The following RARB variants were observed in gnomAD, a reference collection of about 807,000 sequenced individuals.
RARB encodes HBV-activated protein.
A neutral mutation model predicts 51.9 loss-of-function variants in RARB; 17 were observed. The observed-to-expected ratio is 0.33, with a 90% CI of 0.22 to 0.49. The LOEUF (loss-of-function observed/expected upper bound fraction) is 0.49, where lower values mean the gene tolerates loss of function less well. Ranked by LOEUF, RARB falls within the 20% of genes least tolerant of loss-of-function variation. RARB has a pLI of 0.99. For synonymous variants in RARB, 215 were observed against 195.4 expected, an observed-to-expected ratio of 1.10 and a Z score of -0.84; for missense variants, 369 against 550.8, an observed-to-expected ratio of 0.67 and a Z score of 3.30.
intron 3 of RARB, among the ~76,000 whole-genome samples, chr3:25,123,891 A>G (rs939722276): frequency 2.0e-5 from 3 of 152,154 alleles, no homozygotes; most frequent in African/African-American, 7.2e-5. Context: ...AGAACTTTCT[A>G]AAAAGTCAAT....
chr3:25,399,607 AG>A (rs1270851716), intron 5 of RARB, among the ~76,000 whole-genome samples: 1 of 152,192 alleles, frequency 6.6e-6, no homozygotes, highest in Non-Finnish European at 1.5e-5. Flanking sequence ...GGTAGCAAAA[AG>A]CCTCCGTGTG....
chr3:25,297,402 CTTTTTTTTTTTTTTTTT>C (rs67843073), intron 5 of RARB, among the ~76,000 whole-genome samples: 1 of 63,428 alleles, frequency 1.6e-5, no homozygotes, highest in African/African-American at 6.7e-5. Context: ...AGAAGGTATT[CTTTTTTTTTTTTTTTTT>C]TTTTTTTTTT....
Position 25,594,449 on chromosome 3 carries a change from TAAGGAAACAAGGAA to T in RARB, c.992-70_992-57del. ...ATTAATGAACTCATAACAGTAGGAA[TAAGGAAACAAGGAA>T]GAGGGGAAAAGGGCATAAATCCTGA... is the stretch of plus-strand genomic sequence containing the variant. On this transcript the variant is annotated intron_variant, in intron 6 of 7. Transcript: ENST00000330688. 2.1e-6 allele frequency: 3 copies of T among 1,446,340 alleles called. No homozygotes were observed. In the African/African-American group the frequency reaches 4.3e-5, roughly 21 times the overall value. The allele number at this position is 1,446,340 out of a possible 1,614,324, so 89.6% of individuals were successfully genotyped here. A position where few individuals can be genotyped will look rare whatever the true frequency, so the allele number is the denominator to read the frequency against.
intron 3 of RARB, among the ~76,000 whole-genome samples, chr3:25,071,692 G>A (rs1698770023): frequency 6.6e-6 from 1 of 152,180 alleles, no homozygotes; most frequent in Non-Finnish European, 1.5e-5. Context: ...GATTAAAAAG[G>A]TAAAAGATTC....
chr3:25,100,914 A>G (rs968870368), intron 3 of RARB, among the ~76,000 whole-genome samples: 7 of 151,986 alleles, frequency 4.6e-5, no homozygotes, highest in Non-Finnish European at 1.0e-4. Context: ...TTAATCTTAG[A>G]CTCCTGTTGG....
intron 4 of RARB, among the ~76,000 whole-genome samples, chr3:25,150,441 T>G (rs1427166049): frequency 2.0e-5 from 3 of 152,152 alleles, no homozygotes; most frequent in Non-Finnish European, 2.9e-5. Flanking sequence ...GGCCAGTTGT[T>G]TGGTTTCTCA....
intron 1 of RARB, among the ~76,000 whole-genome samples, chr3:24,839,051 T>C (rs4858654): frequency 0.9 from 137,531 of 152,024 alleles, 62,271 homozygotes; most frequent in South Asian, 0.93. Context: ...TTTAGTCATA[T>C]GGACTAAAGT....
chr3:25,548,396 A>T (rs1442489952), intron 3 of RARB, among the ~76,000 whole-genome samples: 1 of 152,148 alleles, frequency 6.6e-6, no homozygotes, highest in Non-Finnish European at 1.5e-5. Flanking sequence ...ATGTCATTTA[A>T]TGTACTCTAT....
intron 5 of RARB, among the ~76,000 whole-genome samples, chr3:25,412,941 C>T (rs1575382324): frequency 6.6e-6 from 1 of 151,952 alleles, no homozygotes; most frequent in African/African-American, 2.4e-5. Flanking sequence ...ATCACTTGAA[C>T]CCGGGAGGCG....
At chr3:24,872,265 T>A (rs994511564) in intron 2 of RARB, among the ~76,000 whole-genome samples, 2 of 152,158 alleles carry the variant, frequency 1.3e-5, no homozygotes, top group African/African-American at 4.8e-5. Flanking sequence ...TGCTATGTCT[T>A]GAGCACAGAA....
intron 4 of RARB, among the ~76,000 whole-genome samples, chr3:25,159,413 C>CG (rs1553638585): frequency 2.6e-4 from 4 of 15,280 alleles, no homozygotes; most frequent in East Asian, 5.6e-3. Context: ...AGATGATCCA[C>CG]CCCCCCCGCT....
chr3:24,979,567 GTTTT>G (rs1026488562), intron 2 of RARB, among the ~76,000 whole-genome samples: 2 of 150,836 alleles, frequency 1.3e-5, no homozygotes, highest in Non-Finnish European at 3.0e-5. Context: ...AACTCCTCCT[GTTTT>G]TTTTGTTTTG....
chr3:25,282,536 A>G (rs1213780516), intron 5 of RARB, among the ~76,000 whole-genome samples: 2 of 152,212 alleles, frequency 1.3e-5, no homozygotes, highest in African/African-American at 4.8e-5. Context: ...ACATAGTAGA[A>G]TCTAAGCTCC....
chr3:25,108,403 C>T lies in RARB; in HGVS notation c.-327-23758C>T, dbSNP rs1290021210. On this transcript the variant is annotated intron_variant, in intron 3 of 11. Transcript: ENST00000383772. The stretch of plus-strand genomic sequence containing the variant: ...TCTTTCAAAGGATGATTCAGCTATC[C>T]GGGCTTTTTCCATCTTGGGTTTCCT... Among the ~76,000 whole-genome samples the T allele has an allele frequency of 3.9e-5, 6 of 152,096 alleles. No homozygotes were observed. In the East Asian group the frequency reaches 5.8e-4, roughly 15 times the overall value.
intron 5 of RARB, among the ~76,000 whole-genome samples, chr3:25,206,713 GA>G (rs990909276): frequency 6.6e-6 from 1 of 152,140 alleles, no homozygotes; most frequent in African/African-American, 2.4e-5. Context: ...ATTCTTTCTG[GA>G]AAAAATGTGG....
At chr3:24,979,566 T>C (rs1214151690) in intron 2 of RARB, among the ~76,000 whole-genome samples, 4 of 152,044 alleles carry the variant, frequency 2.6e-5, no homozygotes, top group African/African-American at 7.2e-5. Flanking sequence ...CAACTCCTCC[T>C]GTTTTTTTTG....
At chr3:24,876,804 A>T (rs950619553) in intron 2 of RARB, among the ~76,000 whole-genome samples, 6 of 152,172 alleles carry the variant, frequency 3.9e-5, no homozygotes, top group African/African-American at 1.4e-4. Context: ...ACATGATGCC[A>T]ATTAGAAAAA....
intron 5 of RARB, among the ~76,000 whole-genome samples, chr3:25,376,295 A>G (rs1012445716): frequency 2.0e-5 from 3 of 152,286 alleles, no homozygotes; most frequent in Admixed American, 6.5e-5. Context: ...TGCATAACAC[A>G]TAGGAGGGGC....
chr3:25,420,846 G>A (rs1037337040), intron 5 of RARB, among the ~76,000 whole-genome samples: 3 of 152,066 alleles, frequency 2.0e-5, no homozygotes, highest in Non-Finnish European at 4.4e-5. Context: ...ACGGGTAGGT[G>A]AATGGATGGA....
Sources: allele counts gnomAD v4.1 joint callset (sites outside exome capture counted in the v4.1 genomes callset), GRCh38; gene constraint gnomAD v4.1.1; transcripts MANE v1.5; gene names NCBI Gene and HGNC (gene_info 2026-07-23, HGNC 2026-07-21).